CYP2C19: variants seen among roughly 807,000 people sequenced by gnomAD.
CYP2C19 encodes cytochrome P450 2C19.
Under a neutral mutation model 40.9 loss-of-function variants are expected in CYP2C19, and 59 were observed. That is an observed-to-expected ratio of 1.44 (90% CI 1.17 to 1.79). CYP2C19 has a LOEUF of 1.79. CYP2C19 is among the 40% of genes most tolerant of loss of function. CYP2C19 has a pLI of 0.00. For synonymous variants in CYP2C19, 253 were observed against 208.7 expected, an observed-to-expected ratio of 1.21 and a Z score of -1.83; for missense variants, 754 against 596.9, an observed-to-expected ratio of 1.26 and a Z score of -2.74.
intron 5 of CYP2C19, among the ~76,000 whole-genome samples, chr10:94,813,600 T>C (rs984727849): frequency 1.3e-5 from 2 of 151,828 alleles, no homozygotes; most frequent in Non-Finnish European, 2.9e-5. Flanking sequence ...AACCACCTAC[T>C]CAAGCCTCAA....
At chr10:94,824,486 ACT>A (rs1359409229) in intron 6 of CYP2C19, among the ~76,000 whole-genome samples, 12 of 152,272 alleles carry the variant, frequency 7.9e-5, no homozygotes, top group Admixed American at 3.3e-4. Flanking sequence ...CAAATTGCAG[ACT>A]CTCACACACA....
intron 4 of CYP2C19, 37 bp from the exon 5 acceptor site, chr10:94,781,784 A>C: frequency 8.5e-7 from 1 of 1,171,646 alleles, no homozygotes; most frequent in Non-Finnish European, 1.1e-6. Context: ...ACCTTTATTA[A>C]ATGCTTTTAA....
At chr10:94,797,470 C>T (rs1316648256) in intron 5 of CYP2C19, among the ~76,000 whole-genome samples, 1 of 151,956 alleles carries the variant, frequency 6.6e-6, no homozygotes, top group African/African-American at 2.4e-5. Flanking sequence ...TGTGTCTCTC[C>T]TGGGCTTTGG....
chr10:94,826,986 C>A (rs1325642431), intron 6 of CYP2C19, among the ~76,000 whole-genome samples: 1 of 152,074 alleles, frequency 6.6e-6, no homozygotes, highest in Non-Finnish European at 1.5e-5. Flanking sequence ...GTATATTGAA[C>A]CAGCCTTGCA....
chr10:94,790,114 T>A (rs1848587170), intron 5 of CYP2C19, among the ~76,000 whole-genome samples: 2 of 151,070 alleles, frequency 1.3e-5, no homozygotes, highest in African/African-American at 4.9e-5. Context: ...CAATTGTGAA[T>A]GGGAGTTCAC....
chr10:94,820,461 T>C (rs1381602389), intron 5 of CYP2C19, 35 bp from the exon 6 acceptor site: 5 of 1,611,792 alleles, frequency 3.1e-6, no homozygotes, highest in Admixed American at 1.7e-5. Context: ...TGCTGTTAAA[T>C]AATTTGTCAG....
At chr10:94,791,018 G>C (rs1212838210) in intron 5 of CYP2C19, among the ~76,000 whole-genome samples, 1 of 152,084 alleles carries the variant, frequency 6.6e-6, no homozygotes, top group Non-Finnish European at 1.5e-5. Flanking sequence ...TGGTTGGTAT[G>C]CTATTAATTA....
chr10:94,842,949 C>T lies in CYP2C19; in HGVS notation c.1074C>T (p.Tyr358=), dbSNP rs1404556800. ...TDAVVHEVQR[Y]IDLIPTSLPH... ...CTGTGGTGCACGAGGTCCAGAGATACATCGACCTCATCCCCACCAGCCTGC... is the reference window on the plus strand; with the variant it reads ...CTGTGGTGCACGAGGTCCAGAGATATATCGACCTCATCCCCACCAGCCTGC... Residue 358 remains tyrosine, a synonymous_variant, in exon 7 of 9, where the codon TAC becomes TAT. Transcript: ENST00000371321. 3 of 1,614,100 alleles carry T rather than the reference C, an allele frequency of 1.9e-6. No homozygotes were observed. Among genetic ancestry groups the T allele is most frequent in the Admixed American group, 1.7e-5 (1 of 60,012 alleles).
intron 5 of CYP2C19, among the ~76,000 whole-genome samples, chr10:94,798,925 C>G (rs1469207609): frequency 6.9e-6 from 1 of 145,984 alleles, no homozygotes; most frequent in East Asian, 2.1e-4. Flanking sequence ...CTCCTGAATA[C>G]AGCACACTGA....
rs373339710 is a variant in CYP2C19 at position 94,850,099 on chromosome 10, A to G, written c.1291+41A>G. 159 of 1,611,140 alleles carry G rather than the reference A, an allele frequency of 9.9e-5. 1 individual carries two copies. The highest frequency in any genetic ancestry group is 1.5e-4 in the Admixed American group (9 of 59,846). On this transcript the variant is annotated intron_variant, in intron 8 of 8. Coordinates refer to ENST00000371321, the MANE Select transcript of CYP2C19 (RefSeq NM_000769.4). ...TTCCCTTTGTGTTTCAGGGTACAAGATAACTTTTTTGATCAGTTGGAACTT... is the reference window on the plus strand; with the variant it reads ...TTCCCTTTGTGTTTCAGGGTACAAGGTAACTTTTTTGATCAGTTGGAACTT...
At chr10:94,818,446 T>C (rs2134266351) in intron 5 of CYP2C19, among the ~76,000 whole-genome samples, 1 of 152,110 alleles carries the variant, frequency 6.6e-6, no homozygotes, top group South Asian at 2.1e-4. Flanking sequence ...GGTAGCTTGA[T>C]GGAGATGGCA....
At chr10:94,833,336 A>G (rs1016798566) in intron 6 of CYP2C19, among the ~76,000 whole-genome samples, 3 of 152,182 alleles carry the variant, frequency 2.0e-5, no homozygotes, top group African/African-American at 7.2e-5. Context: ...TGTCATGTTC[A>G]TGATCTTACA....
intron 3 of CYP2C19, chr10:94,776,367 T>G (rs1218634698): frequency 1.3e-5 from 2 of 152,186 alleles, no homozygotes; most frequent in African/African-American, 2.4e-5. Context: ...GCTTAGAAAT[T>G]TATGGTAATT....
intron 5 of CYP2C19, among the ~76,000 whole-genome samples, chr10:94,793,184 T>C (rs1032852823): frequency 6.6e-6 from 1 of 152,190 alleles, no homozygotes; most frequent in Non-Finnish European, 1.5e-5. Context: ...ATAGTTCTCA[T>C]GACATGGTTT....
In CYP2C19 at chr10:94,775,606, A is replaced by C. The variant is rs574741224; in HGVS notation, c.481+67A>C. On this transcript the variant is annotated intron_variant, in intron 3 of 8. Transcript: ENST00000371321. Reference sequence around the variant, plus strand: ...TCTCCTCTCTACTGACATTCTTGGAAACATTTCAGGGGTGGCCAGATCTTT... The same window carrying C: ...TCTCCTCTCTACTGACATTCTTGGACACATTTCAGGGGTGGCCAGATCTTT... The C allele has an allele frequency of 5.0e-6, 8 of 1,612,534 alleles. No individual in the cohort carries two copies. The South Asian group carries it at 7.7e-5, about 16-fold the overall frequency.
chr10:94,821,146 G>C (rs1340133300), intron 6 of CYP2C19, among the ~76,000 whole-genome samples: 4 of 152,138 alleles, frequency 2.6e-5, no homozygotes, highest in African/African-American at 9.7e-5. Context: ...AGTAGAGGAA[G>C]ATAACTGAGA....
chr10:94,828,934 G>T (rs1378333736), intron 6 of CYP2C19, among the ~76,000 whole-genome samples: 4 of 151,682 alleles, frequency 2.6e-5, no homozygotes, highest in Non-Finnish European at 1.5e-5. Flanking sequence ...GCTTAGTTTG[G>T]CTGGATATGA....
In CYP2C19 at chr10:94,854,597, C is replaced by T. The variant is rs1016612538; in HGVS notation, c.*1683C>T. Among the ~76,000 whole-genome samples the T allele has an allele frequency of 1.3e-5, 2 of 151,930 alleles. No homozygotes were observed. The highest frequency in any genetic ancestry group is 2.9e-5 in the Non-Finnish European group (2 of 67,988). On this transcript the variant is annotated 3_prime_UTR_variant, in exon 9 of 9. Transcript: ENST00000371321. ...AACAAGCTACTTACAATTTGGAATACATTTAAAGATAATATATGGGTACAG... is the reference window on the plus strand; with the variant it reads ...AACAAGCTACTTACAATTTGGAATATATTTAAAGATAATATATGGGTACAG...
At chr10:94,784,429 C>T (rs892650621) in intron 5 of CYP2C19, among the ~76,000 whole-genome samples, 1 of 151,910 alleles carries the variant, frequency 6.6e-6, no homozygotes, top group Non-Finnish European at 1.5e-5. Flanking sequence ...TTTGCTGGGT[C>T]AAATGGTAAT....
Sources: gnomAD v4.1 joint callset for allele counts (sites outside exome capture counted in the v4.1 genomes callset) on GRCh38, gnomAD v4.1.1 for gene constraint, MANE v1.5 for transcripts, NCBI Gene and HGNC (gene_info 2026-07-23, HGNC 2026-07-21) for gene names.